PCDHA1: variants seen among roughly 807,000 people sequenced by gnomAD.
The protein encoded by PCDHA1 is protocadherin alpha-1.
Under a neutral mutation model 61.3 loss-of-function variants are expected in PCDHA1, and 42 were observed. The ratio of observed to expected loss-of-function variants is 0.69; its 90% confidence interval spans 0.54 to 0.89. PCDHA1 has a LOEUF of 0.89. PCDHA1 is among the 40% of genes least tolerant of loss of function. The pLI, the probability that PCDHA1 is intolerant of heterozygous loss-of-function variation, is 0.00. For synonymous variants in PCDHA1, 610 were observed against 553.8 expected (o/e 1.10, Z -1.43); for missense variants, 1,256 against 1,235.3 (o/e 1.02, Z -0.25).
At position 140,876,190 on chromosome 5, in the gene PCDHA1, C is replaced by T. The variant is rs782463342; in HGVS notation, c.2394+87506C>T. Reference sequence around the variant, plus strand: ...CGTCCTGGATGTGAATGACAATGGTCCGGCGTTTGATAAGCCCAGCTATAA... The same window carrying T: ...CGTCCTGGATGTGAATGACAATGGTTCGGCGTTTGATAAGCCCAGCTATAA... On this transcript the variant is annotated intron_variant, in intron 1 of 3. Coordinates refer to ENST00000504120, the MANE Select transcript of PCDHA1 (RefSeq NM_018900.4). 3.7e-6 allele frequency: 6 copies of T among 1,613,936 alleles called. No individual in the cohort carries two copies. The Admixed American group carries it at 5.0e-5, about 13-fold the overall frequency.
rs368920437 is a variant in PCDHA1, at chr5:140,857,660, G to T, written c.2394+68976G>T. On this transcript the variant is annotated intron_variant, in intron 1 of 3. Coordinates refer to ENST00000504120, the MANE Select transcript of PCDHA1 (RefSeq NM_018900.4). ...GCTACAGTTCCAGGTGAGCGCGCGC[G>T]ATGGGGGCGTGCCGCCTCTGGGCAG... is the stretch of plus-strand genomic sequence containing the variant. 1.2e-5 allele frequency: 19 copies of T among 1,596,850 alleles called. 2 individuals are homozygous for T. In the East Asian group the frequency reaches 1.3e-4, roughly 11 times the overall value.
intron 1 of PCDHA1, chr5:140,968,520 C>A: frequency 6.2e-7 from 1 of 1,614,194 alleles, no homozygotes; most frequent in Non-Finnish European, 8.5e-7. Flanking sequence ...CCTACCTCAA[C>A]CAACTCGTCA....
chr5:140,807,082 G>C, intron 1 of PCDHA1: 2 of 1,270,088 alleles, frequency 1.6e-6, no homozygotes, highest in East Asian at 2.3e-5. Flanking sequence ...ACACTCTTTG[G>C]AGTCTGAAAT....
At chr5:140,895,207 T>C (rs1392562241) in intron 1 of PCDHA1, among the ~76,000 whole-genome samples, 2 of 152,208 alleles carry the variant, frequency 1.3e-5, no homozygotes, top group Non-Finnish European at 2.9e-5. Context: ...TTTGCTTTTA[T>C]TTCTAATATT....
intron 1 of PCDHA1, chr5:140,802,200 A>C: frequency 1.9e-6 from 3 of 1,614,252 alleles, no homozygotes; most frequent in Non-Finnish European, 2.5e-6. Context: ...AGATCACTGC[A>C]CAGTTCTACT....
chr5:141,012,057 A>G lies in PCDHA1; in HGVS notation c.*2120A>G, dbSNP rs2098422809. 6.5e-6 allele frequency: 1 copy of G among 153,774 alleles called. No individual in the cohort carries two copies. Among genetic ancestry groups the G allele is most frequent in the African/African-American group, 2.4e-5 (1 of 41,454 alleles). The allele number at this position is 153,774 out of a possible 1,614,324, so 9.5% of individuals were successfully genotyped here. A position where few individuals can be genotyped will look rare whatever the true frequency, so the allele number is the denominator to read the frequency against. Reference sequence around the variant, plus strand: ...ATTGCATGGGGTAAAACTTGTTACCAACACATGTGAACCATTGCTACATTG... The same window carrying G: ...ATTGCATGGGGTAAAACTTGTTACCGACACATGTGAACCATTGCTACATTG... On this transcript the variant is annotated 3_prime_UTR_variant, in exon 4 of 4. Transcript: ENST00000504120.
At chr5:140,883,978 T>G in intron 1 of PCDHA1, 1 of 1,612,780 alleles carries the variant, frequency 6.2e-7, no homozygotes, top group Non-Finnish European at 8.5e-7. Flanking sequence ...CGCCCGGGGC[T>G]GGCAGCGCGG....
Position 140,823,912 on chromosome 5 carries a change from A to T in PCDHA1, c.2394+35228A>T. On this transcript the variant is annotated intron_variant, in intron 1 of 3. Coordinates refer to ENST00000504120, the MANE Select transcript of PCDHA1 (RefSeq NM_018900.4). ...TGCGGTGTCCAGCCTGCTGGTGCTC[A>T]CGCTGCTGCTGTACACCGCGCTGCG... is the stretch of plus-strand genomic sequence containing the variant. The T allele has an allele frequency of 6.2e-7, 1 of 1,613,952 alleles. No homozygotes were observed. Among genetic ancestry groups the T allele is most frequent in the Non-Finnish European group, 8.5e-7 (1 of 1,179,930 alleles).
In PCDHA1 at chr5:140,848,617, A is replaced by G; in HGVS notation, c.2394+59933A>G. The G allele has an allele frequency of 4.4e-6, 7 of 1,593,554 alleles. 2 individuals carry two copies. Among genetic ancestry groups the G allele is most frequent in the Non-Finnish European group, 6.0e-6 (7 of 1,163,964 alleles). On this transcript the variant is annotated intron_variant, in intron 1 of 3. Coordinates refer to ENST00000504120, the MANE Select transcript of PCDHA1 (RefSeq NM_018900.4). Reference sequence around the variant, plus strand: ...TACTCCGTCCCGGAGGAAGCCGAACACGGCACCTTCGTGGGCCGCATCGCG... The same window carrying G: ...TACTCCGTCCCGGAGGAAGCCGAACGCGGCACCTTCGTGGGCCGCATCGCG...
rs782029064 is a variant in PCDHA1, at chr5:140,796,421, A to G, written c.2394+7737A>G. On this transcript the variant is annotated intron_variant, in intron 1 of 3. Transcript: ENST00000504120. The stretch of plus-strand genomic sequence containing the variant: ...TCAGCGTGGGATGCGGACGCGCAGG[A>G]GAACGCGCTGGTGTCCTACTCGCTG... 68 of 1,613,678 alleles carry G rather than the reference A, an allele frequency of 4.2e-5. No individual in the cohort carries two copies. Among genetic ancestry groups the G allele is most frequent in the South Asian group, 3.5e-4 (32 of 91,072 alleles).
In PCDHA1 at chr5:140,850,849, G is replaced by A. The variant is rs2150500367; in HGVS notation, c.2394+62165G>A. On this transcript the variant is annotated intron_variant, in intron 1 of 3. Coordinates refer to ENST00000504120, the MANE Select transcript of PCDHA1 (RefSeq NM_018900.4). ...TCTCCTTGTGCTGGATCTACAGAGC[G>A]AACGGGAGAACCCTCTGCTTCCTCA... The A allele has an allele frequency of 8.1e-6, 13 of 1,596,194 alleles. 3 individuals are homozygous for A. Among genetic ancestry groups the A allele is most frequent in the East Asian group, 2.2e-5 (1 of 44,844 alleles).
chr5:140,840,189 G>A (rs2150304475), intron 1 of PCDHA1, among the ~76,000 whole-genome samples: 23 of 152,082 alleles, frequency 1.5e-4, no homozygotes, highest in African/African-American at 5.3e-4. Context: ...AATATGGTAG[G>A]CAAAGGAAAA....
chr5:141,000,314 A>T (rs2097900305), intron 3 of PCDHA1, among the ~76,000 whole-genome samples: 1 of 145,492 alleles, frequency 6.9e-6, no homozygotes, highest in East Asian at 2.0e-4. Context: ...GTTCAAGACC[A>T]GCTTGGGCAA....
intron 1 of PCDHA1, chr5:140,876,311 G>A: frequency 1.2e-6 from 2 of 1,613,954 alleles, no homozygotes; most frequent in East Asian, 2.2e-5. Flanking sequence ...ATTTCCTATG[G>A]GATCAAAATG....
At chr5:140,849,603 G>T in intron 1 of PCDHA1, 1 of 1,598,696 alleles carries the variant, frequency 6.3e-7, no homozygotes, top group Non-Finnish European at 8.6e-7. Context: ...GACAGTTATT[G>T]CCCTGATTAG....
At chr5:140,924,662 A>C (rs891233024) in intron 1 of PCDHA1, among the ~76,000 whole-genome samples, 6 of 152,166 alleles carry the variant, frequency 3.9e-5, no homozygotes, top group Non-Finnish European at 5.9e-5. Flanking sequence ...TGGGAGGCCG[A>C]GGCAGGCCAA....
chr5:140,839,881 A>G (rs1399090183), intron 1 of PCDHA1, among the ~76,000 whole-genome samples: 4 of 152,040 alleles, frequency 2.6e-5, no homozygotes, highest in African/African-American at 9.7e-5. Flanking sequence ...GATGAATAGA[A>G]TTTTGACAGA....
intron 1 of PCDHA1, among the ~76,000 whole-genome samples, chr5:140,912,874 G>T (rs2076102653): frequency 6.6e-6 from 1 of 152,026 alleles, no homozygotes; most frequent in Non-Finnish European, 1.5e-5. Context: ...TATGGTTTTT[G>T]GTCTTCATTC....
At chr5:140,796,743 G>T in intron 1 of PCDHA1, 3 of 1,614,148 alleles carry the variant, frequency 1.9e-6, no homozygotes, top group Admixed American at 1.7e-5. Context: ...TGGTGGCGAA[G>T]GTGCGCGCAG....
Sources: gnomAD v4.1 joint callset for allele counts (sites outside exome capture counted in the v4.1 genomes callset) on GRCh38, gnomAD v4.1.1 for gene constraint, MANE v1.5 for transcripts, NCBI Gene and HGNC (gene_info 2026-07-23, HGNC 2026-07-21) for gene names.